NSD3: variants seen among roughly 807,000 people sequenced by gnomAD.
The protein encoded by NSD3 is histone-lysine N-methyltransferase NSD3.
In NSD3, 24 loss-of-function variants were observed where a neutral mutation model predicts 160.8. That is an observed-to-expected ratio of 0.15 (90% CI 0.11 to 0.21). The LOEUF is 0.21. NSD3 is among the 10% of genes least tolerant of loss of function. NSD3 has a pLI of 1.00. For synonymous variants in NSD3, 520 were observed against 600.0 expected (o/e 0.87, Z 1.95); for missense variants, 1,157 against 1,735.9 (o/e 0.67, Z 5.93).
intron 21 of NSD3, among the ~76,000 whole-genome samples, chr8:38,279,146 C>G (rs1808678791): frequency 6.6e-6 from 1 of 152,202 alleles, no homozygotes; most frequent in African/African-American, 2.4e-5. Context: ...ATCCCAGCAA[C>G]TAAGGAACCA....
At position 38,378,630 on chromosome 8, in the gene NSD3, A is replaced by G. The variant is rs1811460940; in HGVS notation, c.-45+3169T>C. On this transcript the variant is annotated intron_variant, in intron 1 of 23. Transcript: ENST00000317025. ...GCACTCCAGCCTGGGTGACAGAGCG[A>G]GACTCCGTCTCAAAACAAAAACAAA... 2.0e-5 allele frequency among the ~76,000 whole-genome samples: 3 copies of G among 152,110 alleles called. No homozygotes were observed. The South Asian group carries it at 6.2e-4, about 31-fold the overall frequency.
intron 3 of NSD3, among the ~76,000 whole-genome samples, chr8:38,338,051 C>T (rs1252508688): frequency 6.6e-6 from 1 of 152,026 alleles, no homozygotes; most frequent in African/African-American, 2.4e-5. Flanking sequence ...CCTGTAATCC[C>T]AGCACTTTGG....
At chr8:38,295,564 T>C (rs889391932) in intron 16 of NSD3, among the ~76,000 whole-genome samples, 7 of 151,750 alleles carry the variant, frequency 4.6e-5, no homozygotes, top group Non-Finnish European at 5.9e-5. Flanking sequence ...TCACAAACAA[T>C]CAACCAACCA....
At chr8:38,305,995 AC>A (rs1246718156) in intron 12 of NSD3, among the ~76,000 whole-genome samples, 41 of 152,194 alleles carry the variant, frequency 2.7e-4, no homozygotes, top group African/African-American at 9.6e-4. Flanking sequence ...AGCCAAAAAA[AC>A]AATAGAATGA....
rs1808914496 is a variant in NSD3 at position 38,288,321 on chromosome 8, C to CCTACTA, written c.3501+160_3501+165dup. On this transcript the variant is annotated intron_variant, in intron 19 of 23. Coordinates refer to ENST00000317025, the MANE Select transcript of NSD3 (RefSeq NM_023034.2). This position sits in a 1 kb window ranked among gnomAD's most constrained non-coding sequence, Gnocchi z 4.5. ...AAGCACATTTTATCACTATCTTCTT[C>CCTACTA]CTACTACTCTTCTTTGCTCAAGAAG... is the stretch of plus-strand genomic sequence containing the variant. Among the ~76,000 whole-genome samples the CCTACTA allele has an allele frequency of 6.6e-6, 1 of 152,182 alleles. No homozygotes were observed. The highest frequency in any genetic ancestry group is 2.1e-4 in the South Asian group (1 of 4,826).
intron 2 of NSD3, among the ~76,000 whole-genome samples, chr8:38,342,251 G>A (rs1357715209): frequency 3.9e-5 from 6 of 152,146 alleles, no homozygotes; most frequent in African/African-American, 2.4e-5. Context: ...TAAAATGTAC[G>A]TGAGCAAAAC....
At chr8:38,280,633 G>A (rs1406574760) in intron 20 of NSD3, among the ~76,000 whole-genome samples, 1 of 152,046 alleles carries the variant, frequency 6.6e-6, no homozygotes, top group African/African-American at 2.4e-5. Flanking sequence ...CTGTAAATCA[G>A]AGAACTGACA....
chr8:38,270,006 T>G lies in NSD3; in HGVS notation c.*5635A>C, dbSNP rs1259303160. The G allele has an allele frequency of 6.6e-6, 1 of 152,260 alleles. No individual in the cohort carries two copies. The highest frequency in any genetic ancestry group is 1.5e-5 in the Non-Finnish European group (1 of 68,046). The allele number at this position is 152,260 out of a possible 1,614,324, so 9.4% of individuals were successfully genotyped here. A position where few individuals can be genotyped will look rare whatever the true frequency, so the allele number is the denominator to read the frequency against. On this transcript the variant is annotated 3_prime_UTR_variant, in exon 24 of 24. Transcript: ENST00000317025. ...TAACCAAGCTTTACACGTTTCACAC[T>G]ATGCAATAAAACATAGGCCAATCAA...
intron 12 of NSD3, among the ~76,000 whole-genome samples, chr8:38,306,560 A>G (rs1809397694): frequency 6.6e-6 from 1 of 152,206 alleles, no homozygotes; most frequent in African/African-American, 2.4e-5. Context: ...GGAAATATGC[A>G]ACAAAAATGA....
chr8:38,340,934 G>A (rs903498903), intron 2 of NSD3, among the ~76,000 whole-genome samples: 2 of 152,082 alleles, frequency 1.3e-5, no homozygotes, highest in African/African-American at 2.4e-5. Context: ...AGGCCAAGGT[G>A]GAATGATCTC....
chr8:38,294,413 C>A (rs996145003), intron 16 of NSD3, among the ~76,000 whole-genome samples: 1 of 152,086 alleles, frequency 6.6e-6, no homozygotes, highest in Admixed American at 6.6e-5. Context: ...AAAACTGTAT[C>A]ACTATACCTG....
chr8:38,308,916 C>G (rs984335472), intron 12 of NSD3, among the ~76,000 whole-genome samples: 23 of 152,142 alleles, frequency 1.5e-4, no homozygotes, highest in Non-Finnish European at 1.5e-5. Flanking sequence ...TAACAGAGAG[C>G]TGAACTATCA....
chr8:38,323,745 T>C (rs1396032757), intron 7 of NSD3, among the ~76,000 whole-genome samples: 2 of 149,270 alleles, frequency 1.3e-5, no homozygotes, highest in Non-Finnish European at 3.0e-5. Context: ...GGAGGATCTC[T>C]GGAGTCCAGG....
In NSD3 at chr8:38,344,328, G is replaced by A. The variant is rs1300461714; in HGVS notation, c.675+3169C>T. On this transcript the variant is annotated intron_variant, in intron 2 of 23. Coordinates refer to ENST00000317025, the MANE Select transcript of NSD3 (RefSeq NM_023034.2). ...ATTCTGTCACCCAGGCTGGAGTGCAGTGGCATGATCTTGGCTCACTGCAAT... is the reference window on the plus strand; with the variant it reads ...ATTCTGTCACCCAGGCTGGAGTGCAATGGCATGATCTTGGCTCACTGCAAT... Among the ~76,000 whole-genome samples, 4 of 152,308 alleles carry A rather than the reference G, an allele frequency of 2.6e-5. No individual in the cohort carries two copies. The East Asian group carries it at 5.8e-4, about 22-fold the overall frequency.
intron 21 of NSD3, 45 bp from the exon 22 acceptor site, chr8:38,278,457 A>T (rs949983199): frequency 2.0e-6 from 3 of 1,524,512 alleles, no homozygotes; most frequent in Admixed American, 1.9e-5. Flanking sequence ...GTCATGGGGA[A>T]GAGAAAAGCT....
chr8:38,300,409 C>T (rs1585867594), intron 14 of NSD3, among the ~76,000 whole-genome samples: 1 of 152,084 alleles, frequency 6.6e-6, no homozygotes, highest in East Asian at 1.9e-4. Context: ...CTTAAGTAAT[C>T]CTCCCACCTT....
rs1809992863 is a variant in NSD3, at chr8:38,329,312, T to C, written c.1581+66A>G. The C allele has an allele frequency of 3.3e-6, 5 of 1,530,302 alleles. No individual in the cohort carries two copies. In the East Asian group the frequency reaches 1.1e-4, roughly 35 times the overall value. The allele number at this position is 1,530,302 out of a possible 1,614,324, so 94.8% of individuals were successfully genotyped here. ...TTAAATTATGCCAAGGTCATTGTTT[T>C]AAATGCCAAGGTTGACCACTTTTAA... is the stretch of plus-strand genomic sequence containing the variant. On this transcript the variant is annotated intron_variant, in intron 6 of 23. Coordinates refer to ENST00000317025, the MANE Select transcript of NSD3 (RefSeq NM_023034.2). The surrounding 1 kb of genome is among the most constrained non-coding windows in gnomAD (Gnocchi z 4.8).
chr8:38,336,699 A>G (rs944769452), intron 4 of NSD3, among the ~76,000 whole-genome samples: 1 of 152,204 alleles, frequency 6.6e-6, no homozygotes, highest in African/African-American at 2.4e-5. Context: ...ATATGAGGTC[A>G]TATTTTCAGT....
intron 17 of NSD3, among the ~76,000 whole-genome samples, chr8:38,290,262 C>T (rs1808971627): frequency 6.6e-6 from 1 of 151,252 alleles, no homozygotes; most frequent in African/African-American, 2.4e-5. Flanking sequence ...TATAGAAAGA[C>T]ACTGAAGAAA....
Sources: allele counts gnomAD v4.1 joint callset (sites outside exome capture counted in the v4.1 genomes callset), GRCh38; gene constraint gnomAD v4.1.1; non-coding constraint Gnocchi (gnomAD v3.1); transcripts MANE v1.5; gene names NCBI Gene and HGNC (gene_info 2026-07-23, HGNC 2026-07-21).